ITGA8: variants seen among roughly 807,000 people sequenced by gnomAD.
ITGA8 encodes integrin alpha-8.
In ITGA8, 91 loss-of-function variants were observed where a neutral mutation model predicts 142.3. The ratio of observed to expected loss-of-function variants is 0.64; its 90% CI spans 0.54 to 0.76. The LOEUF (loss-of-function observed/expected upper bound fraction) is 0.76. Ranked by LOEUF, ITGA8 falls within the 30% of genes least tolerant of loss-of-function variation. The pLI, the probability that ITGA8 is intolerant of heterozygous loss-of-function variation, is 0.00. For synonymous variants in ITGA8, 505 were observed against 485.2 expected (o/e 1.04, Z -0.54); for missense variants, 1,406 against 1,327.7 (o/e 1.06, Z -0.92).
intron 8 of ITGA8, among the ~76,000 whole-genome samples, chr10:15,663,257 T>A (rs1834323345): frequency 6.6e-6 from 1 of 152,224 alleles, no homozygotes; most frequent in Non-Finnish European, 1.5e-5. Context: ...TTATTTTAGA[T>A]ATCCTCAAAA....
At chr10:15,663,903 AT>A (rs1834336800) in intron 8 of ITGA8, among the ~76,000 whole-genome samples, 2 of 152,202 alleles carry the variant, frequency 1.3e-5, no homozygotes, top group South Asian at 4.1e-4. Context: ...ATTAAAAAAA[AT>A]AATAATTTGG....
intron 14 of ITGA8, among the ~76,000 whole-genome samples, chr10:15,616,244 C>T (rs184219294): frequency 2.0e-5 from 3 of 152,226 alleles, no homozygotes; most frequent in East Asian, 3.9e-4. Flanking sequence ...AATTCAGTAA[C>T]GTCTAAAAAG....
chr10:15,642,160 C>T (rs1833883482), intron 13 of ITGA8, among the ~76,000 whole-genome samples: 1 of 152,076 alleles, frequency 6.6e-6, no homozygotes, highest in African/African-American at 2.4e-5. Flanking sequence ...AAGAGGTAAT[C>T]AATTACTAAC....
At chr10:15,549,105 C>T (rs1209963089) in intron 26 of ITGA8, among the ~76,000 whole-genome samples, 1 of 151,692 alleles carries the variant, frequency 6.6e-6, no homozygotes, top group East Asian at 1.9e-4. Flanking sequence ...TAATGAATAA[C>T]CTTTAATATA....
chr10:15,533,326 A>G (rs1833350238), intron 27 of ITGA8, among the ~76,000 whole-genome samples: 1 of 152,184 alleles, frequency 6.6e-6, no homozygotes, highest in African/African-American at 2.4e-5. Flanking sequence ...ATTTGGGAAA[A>G]TTCCTTTTTG....
rs541414634 is a variant in ITGA8, at chr10:15,667,347, G to T, written c.847+4256C>A. On this transcript the variant is annotated intron_variant, in intron 8 of 29. Transcript: ENST00000378076. ...TTCTCTGATGGTAGTTTGTATTTCT[G>T]TGGTATCGGTGGTGATATCCCCTTT... Among the ~76,000 whole-genome samples, 10 of 152,028 alleles carry T rather than the reference G, an allele frequency of 6.6e-5. No homozygotes were observed. In the East Asian group the frequency reaches 7.7e-4, roughly 12 times the overall value.
chr10:15,579,806 G>A (rs1419287615), intron 23 of ITGA8, among the ~76,000 whole-genome samples: 7 of 151,738 alleles, frequency 4.6e-5, no homozygotes, highest in African/African-American at 1.7e-4. Flanking sequence ...AAATCACAAA[G>A]AAAACTAGAA....
At chr10:15,656,962 C>G (rs555940302) in intron 10 of ITGA8, among the ~76,000 whole-genome samples, 1 of 152,258 alleles carries the variant, frequency 6.6e-6, no homozygotes, top group South Asian at 2.1e-4. Flanking sequence ...GTGCCAAATG[C>G]TCTTTGCAGA....
chr10:15,521,371 C>G (rs1396966744), intron 28 of ITGA8, among the ~76,000 whole-genome samples: 1 of 152,162 alleles, frequency 6.6e-6, no homozygotes, highest in East Asian at 1.9e-4. Flanking sequence ...GTGCCCTTCT[C>G]AGCTTGTCTT....
chr10:15,673,285 A>G (rs569626567), intron 6 of ITGA8, among the ~76,000 whole-genome samples: 4 of 152,074 alleles, frequency 2.6e-5, no homozygotes, highest in South Asian at 2.1e-4. Flanking sequence ...CAGTTTCACT[A>G]TGTTGGCAAG....
At chr10:15,592,583 T>A (rs368633607) in intron 21 of ITGA8, among the ~76,000 whole-genome samples, 2 of 152,194 alleles carry the variant, frequency 1.3e-5, no homozygotes, top group African/African-American at 4.8e-5. Context: ...TCCAAATATA[T>A]GAGAAGACAC....
At chr10:15,530,984 A>T in intron 28 of ITGA8, 66 bp downstream of exon 28, 1 of 950,198 alleles carries the variant, frequency 1.1e-6, no homozygotes, top group Non-Finnish European at 1.6e-6. Context: ...AGCACAAGCT[A>T]GACAGTGATT....
At chr10:15,606,680 A>G (rs1037916337) in intron 17 of ITGA8, among the ~76,000 whole-genome samples, 1 of 152,126 alleles carries the variant, frequency 6.6e-6, no homozygotes, top group African/African-American at 2.4e-5. Flanking sequence ...GGTTCTCCAG[A>G]CCTTCAACAA....
chr10:15,598,519 A>T (rs1833046060), intron 20 of ITGA8, among the ~76,000 whole-genome samples: 3 of 152,168 alleles, frequency 2.0e-5, no homozygotes, highest in Admixed American at 2.0e-4. Flanking sequence ...CTGTAGGTAA[A>T]CCACACACTT....
chr10:15,563,957 C>G (rs944033301), intron 25 of ITGA8, among the ~76,000 whole-genome samples: 1 of 151,530 alleles, frequency 6.6e-6, no homozygotes, highest in Non-Finnish European at 1.5e-5. Context: ...CCAAAGAAAA[C>G]TCTTTAACTT....
At chr10:15,550,073 C>CG (rs1184089008) in intron 26 of ITGA8, among the ~76,000 whole-genome samples, 4 of 152,092 alleles carry the variant, frequency 2.6e-5, no homozygotes, top group South Asian at 2.1e-4. Flanking sequence ...ATCATGGGGA[C>CG]GGTTTCCCAC....
rs1834467517 is a variant in ITGA8, at chr10:15,584,122, C to A, written c.2372+2462G>T. Among the ~76,000 whole-genome samples the A allele has an allele frequency of 2.0e-5, 3 of 152,150 alleles. No individual in the cohort carries two copies. The South Asian group carries it at 6.2e-4, about 32-fold the overall frequency. ...GACCAGCCTGGCCAACATGGTGAAA[C>A]CCCTTCTCTATTAAAAATACAAAAA... On this transcript the variant is annotated intron_variant, in intron 23 of 29. Transcript: ENST00000378076.
intron 28 of ITGA8, among the ~76,000 whole-genome samples, chr10:15,530,590 G>A (rs1833269278): frequency 6.8e-6 from 1 of 146,910 alleles, no homozygotes; most frequent in Non-Finnish European, 1.5e-5. Flanking sequence ...GAAGCTCAGA[G>A]TAGACTTTTT....
intron 22 of ITGA8, among the ~76,000 whole-genome samples, chr10:15,588,060 AG>A (rs1832862550): frequency 6.6e-6 from 1 of 152,104 alleles, no homozygotes; most frequent in Admixed American, 6.6e-5. Flanking sequence ...TAGGAAGAGA[AG>A]GCCTCCTCTT....
Sources: allele counts gnomAD v4.1 joint callset (sites outside exome capture counted in the v4.1 genomes callset), GRCh38; gene constraint gnomAD v4.1.1; transcripts MANE v1.5; gene names NCBI Gene and HGNC (gene_info 2026-07-23, HGNC 2026-07-21).